Variants in ITGB5 observed in about 807,000 individuals in gnomAD.
ITGB5 encodes the protein integrin beta-5.
In ITGB5, 38 loss-of-function variants were observed where a neutral mutation model predicts 84.8. The ratio of observed to expected loss-of-function variants is 0.45; its 90% confidence interval spans 0.35 to 0.59. The LOEUF is 0.59. Ranked by LOEUF, ITGB5 falls within the 20% of genes least tolerant of loss-of-function variation. The probability of loss-of-function intolerance (pLI) is 0.01; values close to 1 mark genes in which losing one functional copy is unlikely to be tolerated. For missense variants in ITGB5, 905 were observed against 1,034.5 expected, an observed-to-expected ratio of 0.87 and a Z score of 1.72; for synonymous variants, 393 against 414.4, an observed-to-expected ratio of 0.95 and a Z score of 0.63.
At chr3:124,775,262 GTATT>G (rs903019565) in intron 10 of ITGB5, among the ~76,000 whole-genome samples, 1 of 151,780 alleles carries the variant, frequency 6.6e-6, no homozygotes, top group Non-Finnish European at 1.5e-5. Context: ...GTGTGAGGAA[GTATT>G]TAAGTGTATG....
intron 10 of ITGB5, among the ~76,000 whole-genome samples, chr3:124,796,050 C>T (rs1348726033): frequency 2.0e-5 from 3 of 152,174 alleles, no homozygotes; most frequent in African/African-American, 2.4e-5. Flanking sequence ...GTGAGTTCCC[C>T]GTCCCAGGAG....
At chr3:124,765,055 C>G (rs1164504946) in intron 13 of ITGB5, among the ~76,000 whole-genome samples, 1 of 152,208 alleles carries the variant, frequency 6.6e-6, no homozygotes, top group African/African-American at 2.4e-5. Context: ...AACAAAGCCT[C>G]ATTCTTACAG....
intron 5 of ITGB5, among the ~76,000 whole-genome samples, chr3:124,833,659 C>T (rs1197059788): frequency 6.6e-6 from 1 of 152,168 alleles, no homozygotes; most frequent in Non-Finnish European, 1.5e-5. Context: ...GAAGTCCCAT[C>T]CAGGATGGGA....
At chr3:124,843,883 A>G (rs879481004) in intron 4 of ITGB5, among the ~76,000 whole-genome samples, 4 of 152,234 alleles carry the variant, frequency 2.6e-5, no homozygotes, top group Non-Finnish European at 5.9e-5. Context: ...ATATATGGTT[A>G]AAGAGCCAAG....
chr3:124,897,162 C>A (rs904182561), intron 1 of ITGB5, among the ~76,000 whole-genome samples: 1 of 152,194 alleles, frequency 6.6e-6, no homozygotes. Context: ...TCTTTTGATA[C>A]CCCGCTCAAA....
intron 14 of ITGB5, 136 bp downstream of exon 14, chr3:124,764,255 C>T (rs1367440039): frequency 4.5e-6 from 4 of 882,998 alleles, no homozygotes; most frequent in Non-Finnish European, 6.8e-6. Context: ...CAGAACTGGG[C>T]ACAGCGTTTC....
chr3:124,859,919 AAAAT>A (rs1310303163), intron 2 of ITGB5, among the ~76,000 whole-genome samples: 4 of 152,180 alleles, frequency 2.6e-5, no homozygotes, highest in African/African-American at 9.7e-5. Flanking sequence ...CTCCTCTCTA[AAAAT>A]AAATAAATAA....
At chr3:124,766,370 G>A in intron 12 of ITGB5, 25 bp from the exon 13 acceptor site, 2 of 1,612,914 alleles carry the variant, frequency 1.2e-6, no homozygotes, top group South Asian at 2.2e-5. Flanking sequence ...AGCGGGAATG[G>A]CCTGAGTCTC....
intron 3 of ITGB5, among the ~76,000 whole-genome samples, chr3:124,849,538 A>T (rs1559967726): frequency 6.6e-6 from 1 of 152,222 alleles, no homozygotes; most frequent in African/African-American, 2.4e-5. Flanking sequence ...ACTCATTATC[A>T]TTGGAAACTA....
At chr3:124,873,367 T>C (rs1934148565) in intron 2 of ITGB5, 79 bp downstream of exon 2, 1 of 910,788 alleles carries the variant, frequency 1.1e-6, no homozygotes, top group Non-Finnish European at 1.9e-6. Flanking sequence ...TGAATTAGTG[T>C]GTTGTGGTGT....
chr3:124,847,768 T>C (rs1325969382), intron 4 of ITGB5, among the ~76,000 whole-genome samples: 1 of 152,198 alleles, frequency 6.6e-6, no homozygotes, highest in Non-Finnish European at 1.5e-5. Flanking sequence ...CTGGCAGCAG[T>C]TAGAGACACC....
chr3:124,765,279 C>T (rs1402902559), intron 13 of ITGB5, among the ~76,000 whole-genome samples: 1 of 152,126 alleles, frequency 6.6e-6, no homozygotes, highest in Non-Finnish European at 1.5e-5. Flanking sequence ...GCTATTGGTC[C>T]CTGGGTCCAA....
At chr3:124,816,278 C>CA (rs1218158195) in intron 8 of ITGB5, among the ~76,000 whole-genome samples, 2 of 152,196 alleles carry the variant, frequency 1.3e-5, no homozygotes, top group African/African-American at 4.8e-5. Flanking sequence ...AAAACAGGGC[C>CA]ACATTGGAAG....
intron 10 of ITGB5, chr3:124,780,719 C>G (rs1319953749): frequency 4.1e-5 from 6 of 145,324 alleles, no homozygotes; most frequent in Non-Finnish European, 6.0e-5. Flanking sequence ...TCCCCCCCCC[C>G]GTGTTTCCCC....
At chr3:124,767,978 A>G (rs1371556825) in intron 12 of ITGB5, among the ~76,000 whole-genome samples, 2 of 152,150 alleles carry the variant, frequency 1.3e-5, no homozygotes, top group Non-Finnish European at 2.9e-5. Flanking sequence ...CTGAGGAAAG[A>G]GGTTTGCCTG....
chr3:124,806,616 T>C (rs1254879086), intron 9 of ITGB5, among the ~76,000 whole-genome samples: 1 of 151,614 alleles, frequency 6.6e-6, no homozygotes, highest in Non-Finnish European at 1.5e-5. Context: ...TTTTGTATTT[T>C]TTAGTAGAGA....
intron 1 of ITGB5, among the ~76,000 whole-genome samples, chr3:124,893,318 T>C (rs1935039067): frequency 6.6e-6 from 1 of 152,044 alleles, no homozygotes; most frequent in African/African-American, 2.4e-5. Context: ...TGAGGTATGA[T>C]AGTTGCTTGA....
At chr3:124,900,147 A>G (rs1935188853) in intron 1 of ITGB5, among the ~76,000 whole-genome samples, 1 of 152,136 alleles carries the variant, frequency 6.6e-6, no homozygotes, top group African/African-American at 2.4e-5. Flanking sequence ...GACTATTGAA[A>G]TATATTACCT....
chr3:124,837,042 A>G (rs2064944666), intron 5 of ITGB5, among the ~76,000 whole-genome samples: 1 of 152,212 alleles, frequency 6.6e-6, no homozygotes, highest in Non-Finnish European at 1.5e-5. Flanking sequence ...GGCTGACGAA[A>G]AAAAGCAGCA....
Sources: gnomAD v4.1 joint callset for allele counts (sites outside exome capture counted in the v4.1 genomes callset) on GRCh38, gnomAD v4.1.1 for gene constraint, MANE v1.5 for transcripts, NCBI Gene and HGNC (gene_info 2026-07-23, HGNC 2026-07-21) for gene names.